The following TESK2 variants were observed in gnomAD, a reference collection of about 807,000 sequenced individuals.
The protein encoded by TESK2 is testis associated actin remodelling kinase 2.
A neutral mutation model predicts 57.1 loss-of-function variants in TESK2; 39 were observed. The ratio of observed to expected loss-of-function variants is 0.68; its 90% CI spans 0.53 to 0.89. The LOEUF (loss-of-function observed/expected upper bound fraction) is 0.89. TESK2 is among the 40% of genes least tolerant of loss of function. The pLI, the probability that TESK2 is intolerant of heterozygous loss-of-function variation, is 0.00. For synonymous variants in TESK2, 249 were observed against 267.9 expected (o/e 0.93, Z 0.69); for missense variants, 646 against 732.1 (o/e 0.88, Z 1.36).
chr1:45,367,928 G>A (rs566632913), intron 4 of TESK2, among the ~76,000 whole-genome samples: 2 of 151,756 alleles, frequency 1.3e-5, no homozygotes, highest in Admixed American at 1.3e-4. Flanking sequence ...CAAAGTGCTG[G>A]GATTACAGGC....
At chr1:45,415,532 C>T (rs370672991) in intron 3 of TESK2, among the ~76,000 whole-genome samples, 22 of 151,838 alleles carry the variant, frequency 1.4e-4, no homozygotes, top group South Asian at 8.3e-4. Context: ...TTTATGATTA[C>T]GAAATAAAAA....
At chr1:45,431,258 A>G (rs966686306) in intron 2 of TESK2, among the ~76,000 whole-genome samples, 2 of 152,100 alleles carry the variant, frequency 1.3e-5, no homozygotes, top group African/African-American at 2.4e-5. Context: ...CTCTACTAAA[A>G]ATACAAAAAA....
intron 1 of TESK2, among the ~76,000 whole-genome samples, chr1:45,485,926 T>C (rs1446326298): frequency 2.0e-5 from 3 of 152,066 alleles, no homozygotes; most frequent in South Asian, 2.1e-4. Context: ...TCACAAAAGA[T>C]AAGTAATTTG....
At chr1:45,444,176 T>TAA (rs34789802) in intron 2 of TESK2, among the ~76,000 whole-genome samples, 160 of 131,554 alleles carry the variant, frequency 1.2e-3, no homozygotes, top group African/African-American at 2.7e-3. Context: ...GAGACTCTAT[T>TAA]AAAAAAAAAA....
intron 2 of TESK2, among the ~76,000 whole-genome samples, chr1:45,436,899 G>T (rs565982537): frequency 6.6e-6 from 1 of 151,400 alleles, no homozygotes; most frequent in South Asian, 2.1e-4. Context: ...CCAGGCTCAA[G>T]CGATCCTCCC....
rs369333368 is a variant in TESK2, at chr1:45,429,755, C to G, written c.223-7909G>C. Among the ~76,000 whole-genome samples the G allele has an allele frequency of 3.1e-4, 47 of 152,306 alleles. No individual in the cohort carries two copies. In the East Asian group the frequency reaches 8.1e-3, roughly 26 times the overall value. ...ACAGCCAATCACCCAAACTGACCAG[C>G]TTCAATCTTCAATTGGCATAACTAA... On this transcript the variant is annotated intron_variant, in intron 2 of 10. Coordinates refer to ENST00000372086, the MANE Select transcript of TESK2 (RefSeq NM_007170.3).
At chr1:45,419,784 C>T (rs61791372) in intron 3 of TESK2, among the ~76,000 whole-genome samples, 3 of 151,718 alleles carry the variant, frequency 2.0e-5, no homozygotes, top group African/African-American at 2.4e-5. Flanking sequence ...CCAGCCTGGG[C>T]GACAAGAGTG....
At chr1:45,464,485 A>G (rs577251229) in intron 1 of TESK2, among the ~76,000 whole-genome samples, 2 of 151,306 alleles carry the variant, frequency 1.3e-5, no homozygotes, top group East Asian at 3.9e-4. Flanking sequence ...TTTGGTTAAG[A>G]TTGTTCCTAG....
At chr1:45,366,848 T>C (rs1425955168) in intron 4 of TESK2, among the ~76,000 whole-genome samples, 1 of 152,086 alleles carries the variant, frequency 6.6e-6, no homozygotes, top group Non-Finnish European at 1.5e-5. Context: ...TATTTAATAA[T>C]GCTGGCTGGG....
At chr1:45,386,398 T>C (rs976079991) in intron 3 of TESK2, among the ~76,000 whole-genome samples, 3 of 66,604 alleles carry the variant, frequency 4.5e-5, no homozygotes, top group Non-Finnish European at 9.4e-5. Flanking sequence ...AAAGGAAAGA[T>C]AGATAGAAAA....
chr1:45,459,650 AG>A (rs1482056829), intron 1 of TESK2, among the ~76,000 whole-genome samples: 3 of 152,010 alleles, frequency 2.0e-5, no homozygotes, highest in Non-Finnish European at 4.4e-5. Flanking sequence ...GAAACCAGTA[AG>A]GGCAACATAG....
At chr1:45,415,583 G>A (rs998728027) in intron 3 of TESK2, among the ~76,000 whole-genome samples, 1 of 152,008 alleles carries the variant, frequency 6.6e-6, no homozygotes, top group East Asian at 1.9e-4. Flanking sequence ...GGCTATAATA[G>A]GCCACTGAAA....
intron 4 of TESK2, among the ~76,000 whole-genome samples, chr1:45,371,090 AAC>A (rs1013641226): frequency 1.3e-5 from 2 of 152,166 alleles, no homozygotes; most frequent in African/African-American, 4.8e-5. Context: ...AAAAAAAAAA[AAC>A]ACAGAAAATA....
rs1425955160 is a variant in TESK2 at position 45,350,437 on chromosome 1, ACTTT to A, written c.541-2441_541-2438del. Among the ~76,000 whole-genome samples, 6 of 152,246 alleles carry A rather than the reference ACTTT, an allele frequency of 3.9e-5. No homozygotes were observed. The East Asian group carries it at 1.2e-3, about 29-fold the overall frequency. Reference sequence around the variant, plus strand: ...GTTTCTGCAACAAAAACAACAAAACACTTTCTATGTGGCTTCACCTCTTTCCCCT... The same window carrying A: ...GTTTCTGCAACAAAAACAACAAAACACTATGTGGCTTCACCTCTTTCCCCT... On this transcript the variant is annotated intron_variant, in intron 5 of 10. Transcript: ENST00000372086.
chr1:45,473,817 G>C lies in TESK2; in HGVS notation c.-86-15946C>G, dbSNP rs1381991565. ...TAGGGATTTTTTTTTTTTTTTTTAAGATAAGGTCTTGCTCTGTCACCCAGG... is the reference window on the plus strand; with the variant it reads ...TAGGGATTTTTTTTTTTTTTTTTAACATAAGGTCTTGCTCTGTCACCCAGG... On this transcript the variant is annotated intron_variant, in intron 1 of 10. Coordinates refer to ENST00000372086, the MANE Select transcript of TESK2 (RefSeq NM_007170.3). Among the ~76,000 whole-genome samples the C allele has an allele frequency of 1.1e-4, 16 of 143,970 alleles. No individual in the cohort carries two copies. The East Asian group carries it at 3.2e-3, about 29-fold the overall frequency. The allele number at this position is 143,970 out of a possible 152,430, so 94.4% of individuals were successfully genotyped here. A position where few individuals can be genotyped will look rare whatever the true frequency, so the allele number is the denominator to read the frequency against.
intron 3 of TESK2, among the ~76,000 whole-genome samples, chr1:45,393,496 A>G (rs1044530008): frequency 2.6e-5 from 4 of 152,182 alleles, no homozygotes; most frequent in African/African-American, 9.7e-5. Flanking sequence ...TAATCCCAGC[A>G]CTTTGGGAGG....
chr1:45,479,055 A>T (rs1653110143), intron 1 of TESK2, among the ~76,000 whole-genome samples: 1 of 152,132 alleles, frequency 6.6e-6, no homozygotes, highest in Non-Finnish European at 1.5e-5. Context: ...TGGGCAAATT[A>T]TGAATAATGT....
At chr1:45,400,519 C>T (rs923484798) in intron 3 of TESK2, among the ~76,000 whole-genome samples, 2 of 152,166 alleles carry the variant, frequency 1.3e-5, no homozygotes, top group African/African-American at 4.8e-5. Flanking sequence ...ATGGGTCACT[C>T]CCCTGTGATA....
chr1:45,439,826 T>C (rs950034286), intron 2 of TESK2, among the ~76,000 whole-genome samples: 2 of 152,096 alleles, frequency 1.3e-5, no homozygotes, highest in Admixed American at 6.6e-5. Flanking sequence ...ATGCTGGTGG[T>C]ACATGCCTGT....
Sources: allele counts gnomAD v4.1 joint callset (sites outside exome capture counted in the v4.1 genomes callset), GRCh38; gene constraint gnomAD v4.1.1; transcripts MANE v1.5; gene names NCBI Gene and HGNC (gene_info 2026-07-23, HGNC 2026-07-21).